Variants in SHROOM4 observed in about 807,000 individuals in gnomAD.
SHROOM4 encodes the protein shroom family member 4, also known as protein Shroom4.
Under a neutral mutation model 80.3 loss-of-function variants are expected in SHROOM4, and 17 were observed. The ratio of observed to expected loss-of-function variants is 0.21; its 90% CI spans 0.14 to 0.32. SHROOM4 has a LOEUF of 0.32. Ranked by LOEUF, SHROOM4 falls within the 10% of genes least tolerant of loss-of-function variation. SHROOM4 has a pLI of 1.00. For synonymous variants in SHROOM4, 400 were observed against 437.5 expected (o/e 0.91, Z 1.07); for missense variants, 993 against 1,140.3 (o/e 0.87, Z 1.86).
At chrX:50,578,281 G>A in the SHROOM4 span, among the ~76,000 whole-genome samples, 1 of 111,721 alleles carries the variant, frequency 9.0e-6, no homozygotes, top group East Asian at 2.8e-4. Flanking sequence ...TTTATATTCA[G>A]CCATTTTTAA....
chrX:50,802,450 C>G (rs782464767), intron 1 of SHROOM4, among the ~76,000 whole-genome samples: 1 of 111,796 alleles, frequency 8.9e-6, no homozygotes. Flanking sequence ...TTCCCATAAT[C>G]TCTCAGAGCC....
At chrX:50,725,042 G>C (rs1934214694) in intron 1 of SHROOM4, among the ~76,000 whole-genome samples, 1 of 111,822 alleles carries the variant, frequency 8.9e-6, no homozygotes, top group African/African-American at 3.3e-5. Flanking sequence ...AAGAACAATA[G>C]GAGTCAGTGG....
intron 1 of SHROOM4, among the ~76,000 whole-genome samples, chrX:50,700,720 G>A (rs782314771): frequency 2.3e-4 from 26 of 111,749 alleles, no homozygotes; most frequent in South Asian, 7.6e-4. Context: ...TCAAATTTCC[G>A]AAGCAGTCTA....
rs1457082891 is a variant in SHROOM4, at chrX:50,596,236, G to A, written c.*459C>T. 1 of 333,271 alleles carries A rather than the reference G, an allele frequency of 3.0e-6. No individual in the cohort carries two copies. The highest frequency in any genetic ancestry group is 5.8e-6 in the Non-Finnish European group (1 of 172,920). The allele number at this position is 333,271 out of a possible 1,213,427, so 27.5% of individuals were successfully genotyped here. On this transcript the variant is annotated 3_prime_UTR_variant, in exon 9 of 9. Coordinates refer to ENST00000376020, the MANE Select transcript of SHROOM4 (RefSeq NM_020717.5). ...GCCCTGAAACTGGTGCCAGGTGAAT[G>A]CCCTCAAGGCAGCCAGCTCTCTGTG...
chrX:50,793,243 AG>A (rs1452792751), intron 1 of SHROOM4, among the ~76,000 whole-genome samples: 8 of 110,442 alleles, frequency 7.2e-5, no homozygotes, highest in African/African-American at 2.6e-4. Context: ...AGCCAAACTC[AG>A]AAGCAGAGAG....
chrX:50,674,252 G>A (rs1397793830), intron 2 of SHROOM4, among the ~76,000 whole-genome samples: 5 of 110,933 alleles, frequency 4.5e-5, no homozygotes, highest in Non-Finnish European at 9.5e-5. Context: ...GTTCCAGAAA[G>A]GCAGAGCAAC....
intron 1 of SHROOM4, among the ~76,000 whole-genome samples, chrX:50,750,434 G>C (rs1292490237): frequency 9.0e-6 from 1 of 111,420 alleles, no homozygotes; most frequent in Non-Finnish European, 1.9e-5. Context: ...GCTAATTTTT[G>C]TATTTTTAGT....
chrX:50,698,182 G>C (rs1214045702), intron 1 of SHROOM4, among the ~76,000 whole-genome samples: 1 of 111,982 alleles, frequency 8.9e-6, no homozygotes, highest in African/African-American at 3.2e-5. Context: ...AAGATAAAAG[G>C]GGAAAACCTT....
At chrX:50,611,201 T>C (rs1557249817) in intron 5 of SHROOM4, among the ~76,000 whole-genome samples, 1 of 92,689 alleles carries the variant, frequency 1.1e-5, no homozygotes, top group Non-Finnish European at 2.1e-5. Flanking sequence ...CAGGCCGGAC[T>C]GCAGTGGCGC....
intron 1 of SHROOM4, among the ~76,000 whole-genome samples, chrX:50,711,653 A>G (rs1335250291): frequency 8.9e-6 from 1 of 112,275 alleles, no homozygotes; most frequent in Admixed American, 9.4e-5. Flanking sequence ...AATATTGATG[A>G]GTGAATAGAG....
intron 2 of SHROOM4, among the ~76,000 whole-genome samples, chrX:50,690,361 G>A (rs1557262550): frequency 9.0e-6 from 1 of 111,139 alleles, no homozygotes; most frequent in Admixed American, 9.5e-5. Context: ...TTTGCTAAAG[G>A]CTTATCTATT....
chrX:50,659,622 A>G (rs1438568711), intron 2 of SHROOM4, among the ~76,000 whole-genome samples: 1 of 112,219 alleles, frequency 8.9e-6, no homozygotes, highest in Non-Finnish European at 1.9e-5. Context: ...ACAATGAAAA[A>G]GGAGTGCCCC....
chrX:50,646,147 C>A (rs1931825517), intron 2 of SHROOM4, among the ~76,000 whole-genome samples: 1 of 111,794 alleles, frequency 8.9e-6, no homozygotes, highest in Non-Finnish European at 1.9e-5. Context: ...CAACCTGAGG[C>A]CTGGACCATA....
intron 1 of SHROOM4, among the ~76,000 whole-genome samples, chrX:50,729,160 A>C (rs1399485721): frequency 8.9e-6 from 1 of 112,123 alleles, no homozygotes; most frequent in Admixed American, 9.5e-5. Flanking sequence ...CATAGGAAGA[A>C]AAGCAGGCAA....
At chrX:50,793,692 A>G (rs1935900347) in intron 1 of SHROOM4, among the ~76,000 whole-genome samples, 1 of 107,508 alleles carries the variant, frequency 9.3e-6, no homozygotes, top group Non-Finnish European at 1.9e-5. Flanking sequence ...ACGCTAATGT[A>G]TATTGCAGTA....
chrX:50,663,829 T>C (rs1932598739), intron 2 of SHROOM4, among the ~76,000 whole-genome samples: 1 of 111,517 alleles, frequency 9.0e-6, no homozygotes, highest in African/African-American at 3.3e-5. Flanking sequence ...ACTTCCCTGC[T>C]CAAGCATTTT....
chrX:50,660,628 A>C, intron 2 of SHROOM4, among the ~76,000 whole-genome samples: 1 of 84,386 alleles, frequency 1.2e-5, no homozygotes, highest in Non-Finnish European at 2.3e-5. Flanking sequence ...TCCCCTCTCC[A>C]TCTCTGAGTT....
intron 5 of SHROOM4, among the ~76,000 whole-genome samples, chrX:50,614,280 T>C (rs933483263): frequency 8.9e-6 from 1 of 112,422 alleles, no homozygotes; most frequent in African/African-American, 3.2e-5. Flanking sequence ...AGGGAAAGTT[T>C]ATAAATTTGA....
At chrX:50,717,280 C>CAG (rs1933983015) in intron 1 of SHROOM4, among the ~76,000 whole-genome samples, 1 of 111,329 alleles carries the variant, frequency 9.0e-6, no homozygotes, top group Non-Finnish European at 1.9e-5. Flanking sequence ...TGCATTGGTG[C>CAG]GATCTCAGCT....
Sources: allele counts gnomAD v4.1 joint callset (sites outside exome capture counted in the v4.1 genomes callset), GRCh38; gene constraint gnomAD v4.1.1; transcripts MANE v1.5; gene names NCBI Gene and HGNC (gene_info 2026-07-23, HGNC 2026-07-21).